The following CLASP2 variants were observed in gnomAD, a reference collection of about 807,000 sequenced individuals.
CLASP2 encodes the protein cytoplasmic linker associated protein 2, also known as CLIP-associating protein 2.
A neutral mutation model predicts 194.4 loss-of-function variants in CLASP2; 47 were observed. The observed-to-expected ratio is 0.24, with a 90% CI of 0.19 to 0.31. CLASP2 has a LOEUF of 0.31. Ranked by LOEUF, CLASP2 falls within the 10% of genes least tolerant of loss-of-function variation. The pLI, the probability that CLASP2 is intolerant of heterozygous loss-of-function variation, is 1.00. For synonymous variants in CLASP2, 619 were observed against 633.5 expected, an observed-to-expected ratio of 0.98 and a Z score of 0.34; for missense variants, 1,445 against 1,823.6, an observed-to-expected ratio of 0.79 and a Z score of 3.78.
At chr3:33,535,946 T>TA (rs2057253109) in intron 33 of CLASP2, among the ~76,000 whole-genome samples, 1 of 149,888 alleles carries the variant, frequency 6.7e-6, no homozygotes, top group Non-Finnish European at 1.5e-5. Flanking sequence ...AAGAAAGGCT[T>TA]AAAAGGCCTG....
intron 12 of CLASP2, among the ~76,000 whole-genome samples, chr3:33,618,945 G>A (rs184360312): frequency 6.6e-6 from 1 of 152,256 alleles, no homozygotes; most frequent in Admixed American, 6.5e-5. Flanking sequence ...TTTCATCATA[G>A]TATGAACATC....
intron 29 of CLASP2, among the ~76,000 whole-genome samples, chr3:33,557,492 C>G (rs2061165859): frequency 6.6e-6 from 1 of 152,106 alleles, no homozygotes; most frequent in African/African-American, 2.4e-5. Flanking sequence ...CTTGCCTCAC[C>G]TCCTGAGTAG....
rs991826745 is a variant in CLASP2 at position 33,604,012 on chromosome 3, A to G, written c.1750+142T>C. 6.4e-6 allele frequency: 4 copies of G among 625,450 alleles called. No homozygotes were observed. In the African/African-American group the frequency reaches 7.4e-5, roughly 12 times the overall value. The allele number at this position is 625,450 out of a possible 1,614,324, so 38.7% of individuals were successfully genotyped here. On this transcript the variant is annotated intron_variant, in intron 17 of 38. Transcript: ENST00000682230. ...TTTTATTATATATGTATACACGTAT[A>G]CATATACAGGTACAGTGCATATGTG...
chr3:33,714,544 T>C (rs1297683424), intron 1 of CLASP2, among the ~76,000 whole-genome samples: 2 of 152,180 alleles, frequency 1.3e-5, no homozygotes, highest in African/African-American at 4.8e-5. Flanking sequence ...TTCCTCTCTT[T>C]CTTTCAACCC....
intron 1 of CLASP2, among the ~76,000 whole-genome samples, chr3:33,699,669 C>A (rs1336022324): frequency 9.9e-5 from 15 of 151,886 alleles, no homozygotes; most frequent in Admixed American, 9.2e-4. Flanking sequence ...CAAATATATA[C>A]CTATGATAAA....
intron 6 of CLASP2, among the ~76,000 whole-genome samples, chr3:33,681,271 A>T (rs1165934285): frequency 6.6e-6 from 1 of 152,210 alleles, no homozygotes; most frequent in Admixed American, 6.5e-5. Flanking sequence ...ACTCAAATGG[A>T]ATTGTTAGCC....
intron 1 of CLASP2, among the ~76,000 whole-genome samples, chr3:33,697,501 T>C (rs910898775): frequency 2.6e-5 from 4 of 152,156 alleles, no homozygotes; most frequent in African/African-American, 4.8e-5. Context: ...CACCAGGCAA[T>C]AGGAATTTTT....
At chr3:33,713,443 T>C (rs1405022030) in intron 1 of CLASP2, among the ~76,000 whole-genome samples, 1 of 152,058 alleles carries the variant, frequency 6.6e-6, no homozygotes, top group African/African-American at 2.4e-5. Context: ...GGCAGGTAAA[T>C]GGAATAGGCA....
chr3:33,678,043 T>C (rs1037410179), intron 6 of CLASP2, among the ~76,000 whole-genome samples: 3 of 149,176 alleles, frequency 2.0e-5, no homozygotes, highest in African/African-American at 2.4e-5. Context: ...GAAATCTCAA[T>C]AGAATTCTCC....
chr3:33,604,082 C>T lies in CLASP2; in HGVS notation c.1750+72G>A, dbSNP rs1346661578. 3.6e-6 allele frequency: 4 copies of T among 1,126,520 alleles called. No homozygotes were observed. The African/African-American group carries it at 6.3e-5, about 18-fold the overall frequency. 69.8% of individuals were successfully genotyped at this position (1,126,520 alleles called of 1,614,324 possible). A position where few individuals can be genotyped will look rare whatever the true frequency, so the allele number is the denominator to read the frequency against. ...AAAACGATCTTTTCACTATGGAGCA[C>T]ATCAAAAGAGTTTGAAGGCTACTGT... On this transcript the variant is annotated intron_variant, in intron 17 of 38. Transcript: ENST00000682230.
At chr3:33,659,447 G>C (rs1344484973) in intron 7 of CLASP2, 2 of 976,868 alleles carry the variant, frequency 2.0e-6, no homozygotes, top group South Asian at 4.7e-5. Flanking sequence ...GCAATCACAT[G>C]ATCTGATGGA....
chr3:33,659,671 A>G (rs1433272693), intron 7 of CLASP2: 1 of 152,660 alleles, frequency 6.6e-6, no homozygotes, highest in Admixed American at 6.5e-5. Context: ...CAGCAGGGCC[A>G]CACGGAACAA....
At chr3:33,680,836 G>C (rs34249772) in intron 6 of CLASP2, among the ~76,000 whole-genome samples, 1 of 151,520 alleles carries the variant, frequency 6.6e-6, no homozygotes, top group East Asian at 1.9e-4. Flanking sequence ...ATCTATTTAA[G>C]AATAATAAAG....
chr3:33,641,359 T>C (rs544800166), intron 8 of CLASP2, among the ~76,000 whole-genome samples: 8 of 152,088 alleles, frequency 5.3e-5, no homozygotes, highest in African/African-American at 1.2e-4. Context: ...ATTCAGAAAA[T>C]AGACTATTTG....
At position 33,592,631 on chromosome 3, in the gene CLASP2, C is replaced by G. The variant is rs897390540; in HGVS notation, c.1967-135G>C. ...TAATCATCAATTACGGGTTCTATTT[C>G]TCTTAAAAATTTTATAAACAGTAAT... On this transcript the variant is annotated intron_variant, in intron 20 of 38. Coordinates refer to ENST00000682230, the MANE Select transcript of CLASP2 (RefSeq NM_001365631.1). 5.4e-6 allele frequency: 4 copies of G among 747,334 alleles called. No homozygotes were observed. The African/African-American group carries it at 7.0e-5, about 13-fold the overall frequency. 46.3% of individuals were successfully genotyped at this position (747,334 alleles called of 1,614,324 possible).
chr3:33,542,631 AATTC>A (rs1457954710), intron 32 of CLASP2, among the ~76,000 whole-genome samples: 1 of 148,518 alleles, frequency 6.7e-6, no homozygotes, highest in East Asian at 1.9e-4. Context: ...TTATATATGT[AATTC>A]ATTATATATG....
intron 21 of CLASP2, among the ~76,000 whole-genome samples, chr3:33,586,196 G>A (rs1474291108): frequency 2.0e-5 from 3 of 151,018 alleles, no homozygotes; most frequent in Non-Finnish European, 2.9e-5. Context: ...GTGCAGTGGC[G>A]CGATCTCGGC....
chr3:33,556,087 A>T (rs1472373553), intron 29 of CLASP2, among the ~76,000 whole-genome samples: 1 of 152,252 alleles, frequency 6.6e-6, no homozygotes, highest in African/African-American at 2.4e-5. Context: ...CCAGAAAAAG[A>T]GGTCAGCAAA....
chr3:33,587,685 G>A (rs1285755566), intron 21 of CLASP2, among the ~76,000 whole-genome samples: 1 of 152,148 alleles, frequency 6.6e-6, no homozygotes, highest in East Asian at 1.9e-4. Flanking sequence ...TTCAAGCAAA[G>A]AATCTTTAAA....
Sources: gnomAD v4.1 joint callset for allele counts (sites outside exome capture counted in the v4.1 genomes callset) on GRCh38, gnomAD v4.1.1 for gene constraint, MANE v1.5 for transcripts, NCBI Gene and HGNC (gene_info 2026-07-23, HGNC 2026-07-21) for gene names.